CHODL: variants seen among roughly 807,000 people sequenced by gnomAD.
The protein encoded by CHODL is transmembrane protein MT75.
In CHODL, 29 loss-of-function variants were observed where a neutral mutation model predicts 34.5. The ratio of observed to expected loss-of-function variants is 0.84; its 90% CI spans 0.63 to 1.15. The LOEUF is 1.15. Ranked by LOEUF, CHODL falls within the 50% of genes most tolerant of loss-of-function variation. CHODL has a pLI of 0.00. For missense variants in CHODL, 332 were observed against 332.5 expected (o/e 1.00, Z 0.01); for synonymous variants, 125 against 116.1 (o/e 1.08, Z -0.49).
At chr21:18,155,093 G>T (rs1341263310) in intron 2 of CHODL, among the ~76,000 whole-genome samples, 19 of 152,188 alleles carry the variant, frequency 1.2e-4, no homozygotes, top group Non-Finnish European at 1.5e-5. Flanking sequence ...TATAATATAG[G>T]GTTAGACAGA....
intron 1 of CHODL, among the ~76,000 whole-genome samples, chr21:17,952,137 G>T (rs1685268467): frequency 7.3e-6 from 1 of 137,136 alleles, no homozygotes; most frequent in South Asian, 2.3e-4. Flanking sequence ...AGGATCATTT[G>T]CACCTGGGAG....
At chr21:18,001,759 G>A (rs905996045) in intron 1 of CHODL, among the ~76,000 whole-genome samples, 27 of 145,188 alleles carry the variant, frequency 1.9e-4, no homozygotes, top group African/African-American at 6.2e-4. Flanking sequence ...CATGCCATAC[G>A]TTGGCCTCAT....
chr21:17,994,873 G>A (rs767116820), intron 1 of CHODL, among the ~76,000 whole-genome samples: 34 of 152,298 alleles, frequency 2.2e-4, no homozygotes, highest in Non-Finnish European at 4.0e-4. Flanking sequence ...CGAGGACCCT[G>A]CCACTGGAGG....
At chr21:18,115,725 T>G (rs2065404311) in intron 2 of CHODL, among the ~76,000 whole-genome samples, 1 of 152,224 alleles carries the variant, frequency 6.6e-6, no homozygotes. Flanking sequence ...GTCTCTTTAT[T>G]GAGTGTTTCT....
At chr21:17,952,194 CAAA>C (rs58511535) in intron 1 of CHODL, among the ~76,000 whole-genome samples, 1,009 of 80,366 alleles carry the variant, frequency 0.013, 31 homozygotes, top group East Asian at 0.12. Context: ...TACTATGTCT[CAAA>C]AAAAAAAAAA....
intron 2 of CHODL, among the ~76,000 whole-genome samples, chr21:18,067,267 A>G (rs1306288378): frequency 6.6e-6 from 1 of 152,214 alleles, no homozygotes; most frequent in Non-Finnish European, 1.5e-5. Context: ...CCAAAAACCC[A>G]ATGCCTCAGA....
chr21:18,009,751 G>A (rs2063994560), intron 1 of CHODL, among the ~76,000 whole-genome samples: 2 of 151,488 alleles, frequency 1.3e-5, no homozygotes, highest in African/African-American at 4.9e-5. Flanking sequence ...AGCCGGGCGT[G>A]GTGGTAGGTG....
chr21:17,995,876 C>T (rs1391900237), intron 1 of CHODL, among the ~76,000 whole-genome samples: 1 of 152,192 alleles, frequency 6.6e-6, no homozygotes, highest in African/African-American at 2.4e-5. Flanking sequence ...ATCTCATTTA[C>T]TTTTGCAGAC....
intron 1 of CHODL, among the ~76,000 whole-genome samples, chr21:18,013,222 G>T (rs866187912): frequency 2.0e-5 from 3 of 151,966 alleles, no homozygotes; most frequent in Admixed American, 6.6e-5. Context: ...GTTTATTGGG[G>T]TCACCTCTCA....
At chr21:18,133,388 A>G (rs893802753) in intron 2 of CHODL, among the ~76,000 whole-genome samples, 1 of 152,096 alleles carries the variant, frequency 6.6e-6, no homozygotes, top group African/African-American at 2.4e-5. Context: ...TTCTTCTGAG[A>G]CCTTACATAT....
chr21:18,077,656 C>T (rs2064882370), intron 2 of CHODL, among the ~76,000 whole-genome samples: 1 of 152,092 alleles, frequency 6.6e-6, no homozygotes, highest in Admixed American at 6.6e-5. Flanking sequence ...CTCCTTTGCC[C>T]ATTTTGCAAT....
At chr21:17,941,190 C>T (rs1285272358) in intron 1 of CHODL, among the ~76,000 whole-genome samples, 1 of 151,018 alleles carries the variant, frequency 6.6e-6, no homozygotes, top group Non-Finnish European at 1.5e-5. Context: ...TTTTCAAACT[C>T]TTATGTTCCT....
intron 1 of CHODL, among the ~76,000 whole-genome samples, chr21:17,968,012 C>T (rs138669205): frequency 3.3e-5 from 5 of 152,236 alleles, no homozygotes; most frequent in East Asian, 1.9e-4. Context: ...TGCATCATTG[C>T]GGAAGTTGTG....
intron 2 of CHODL, among the ~76,000 whole-genome samples, chr21:18,229,091 A>G (rs2073956218): frequency 1.3e-5 from 2 of 152,188 alleles, no homozygotes; most frequent in Admixed American, 6.6e-5. Flanking sequence ...TAAAAACAAC[A>G]GACAATAGCA....
chr21:18,110,968 A>G (rs1186594449), intron 2 of CHODL, among the ~76,000 whole-genome samples: 2 of 152,050 alleles, frequency 1.3e-5, no homozygotes, highest in Admixed American at 6.6e-5. Context: ...GTCTTGCCCT[A>G]TATGTTCTCC....
chr21:18,161,758 AT>A (rs1233913048), intron 2 of CHODL, among the ~76,000 whole-genome samples: 1 of 152,096 alleles, frequency 6.6e-6, no homozygotes, highest in African/African-American at 2.4e-5. Flanking sequence ...GGCTGCGAGT[AT>A]TTCTATTGCA....
intron 2 of CHODL, among the ~76,000 whole-genome samples, chr21:18,054,183 CA>C (rs1224800363): frequency 1.3e-5 from 2 of 151,682 alleles, no homozygotes; most frequent in African/African-American, 4.8e-5. Context: ...TGTATATATC[CA>C]TATATCCATA....
intron 2 of CHODL, among the ~76,000 whole-genome samples, chr21:18,111,478 C>A (rs573442118): frequency 6.6e-6 from 1 of 152,148 alleles, no homozygotes; most frequent in African/African-American, 2.4e-5. Context: ...TTTTCCTTAG[C>A]GAAGAGCTAA....
chr21:17,988,402 T>TATTA (rs1555847366), intron 1 of CHODL, among the ~76,000 whole-genome samples: 2 of 140,100 alleles, frequency 1.4e-5, no homozygotes, highest in Admixed American at 7.1e-5. Flanking sequence ...TTCCTTTTTT[T>TATTA]TTATTATTAT....
Sources: allele counts gnomAD v4.1 joint callset (sites outside exome capture counted in the v4.1 genomes callset), GRCh38; gene constraint gnomAD v4.1.1; transcripts MANE v1.5; gene names NCBI Gene and HGNC (gene_info 2026-07-23, HGNC 2026-07-21).